NKAIN4: variants seen among roughly 807,000 people sequenced by gnomAD.
NKAIN4 encodes sodium/potassium transporting ATPase interacting 4.
A neutral mutation model predicts 28.8 loss-of-function variants in NKAIN4; 28 were observed. The ratio of observed to expected loss-of-function variants is 0.97; its 90% CI spans 0.72 to 1.33. The LOEUF (loss-of-function observed/expected upper bound fraction) is 1.33. Ranked by LOEUF, NKAIN4 falls within the 40% of genes most tolerant of loss-of-function variation. The pLI is 0.00. For synonymous variants in NKAIN4, 122 were observed against 115.6 expected, an observed-to-expected ratio of 1.06 and a Z score of -0.36; for missense variants, 289 against 277.2, an observed-to-expected ratio of 1.04 and a Z score of -0.30.
chr20:63,241,508 T>G lies in NKAIN4; in HGVS notation c.618-2A>C. ...AGCTGTTTCCTCACTTACGCAGGCC[T>G]GTGGGGACAAGGTCAGAGAGCACCT... is the stretch of plus-strand genomic sequence containing the variant. On this transcript the variant is annotated splice_acceptor_variant, in intron 6 of 6. Coordinates refer to ENST00000370316, the MANE Select transcript of NKAIN4 (RefSeq NM_152864.4). LOFTEE classifies it high-confidence loss of function. The G allele has an allele frequency of 6.5e-7, 1 of 1,550,142 alleles. No homozygotes were observed.
chr20:63,251,081 C>G (rs889339392), intron 1 of NKAIN4, among the ~76,000 whole-genome samples: 1 of 152,114 alleles, frequency 6.6e-6, no homozygotes, highest in Non-Finnish European at 1.5e-5. Flanking sequence ...TGTGAGTCAT[C>G]TCCAATGACA....
Position 63,250,138 on chromosome 20 carries a change from C to T in NKAIN4, c.55-66G>A, listed in dbSNP as rs552773580. ...AGGCCCCAGGCCCGCCAGCCAGGTA[C>T]TGGGCCAAGGTGACAGGATCTCAGC... is the stretch of plus-strand genomic sequence containing the variant. On this transcript the variant is annotated intron_variant, in intron 1 of 6. Coordinates refer to ENST00000370316, the MANE Select transcript of NKAIN4 (RefSeq NM_152864.4). 50 of 1,499,362 alleles carry T rather than the reference C, an allele frequency of 3.3e-5. No homozygotes were observed. The African/African-American group carries it at 6.4e-4, about 19-fold the overall frequency. 92.9% of individuals were successfully genotyped at this position (1,499,362 alleles called of 1,614,324 possible). A position where few individuals can be genotyped will look rare whatever the true frequency, so the allele number is the denominator to read the frequency against.
intron 4 of NKAIN4, chr20:63,246,660 C>A (rs1325891582): frequency 1.0e-6 from 1 of 985,308 alleles, no homozygotes; most frequent in Non-Finnish European, 1.2e-6. Context: ...CCGTGCGCAC[C>A]AGGAAAAGCC....
chr20:63,247,711 C>A lies in NKAIN4; in HGVS notation c.338G>T (p.Gly113Val). Residue 113 changes from glycine to valine, a missense_variant, in exon 4 of 7, where the codon GGC becomes GTC. By Grantham distance (109) the Gly-to-Val change is moderately radical. Coordinates refer to ENST00000370316, the MANE Select transcript of NKAIN4 (RefSeq NM_152864.4). ...HRSWWRERWP[G>V]CLHEEVPAVG... ...TGCTGGCACCTCCTCATGCAGACAG[C>A]CTGGCCAGCGCTCACGCCACCAGGA... 1 of 1,522,812 alleles carries A rather than the reference C, an allele frequency of 6.6e-7. No individual in the cohort carries two copies. The highest frequency in any genetic ancestry group is 8.8e-7 in the Non-Finnish European group (1 of 1,133,062). The allele number at this position is 1,522,812 out of a possible 1,614,324, so 94.3% of individuals were successfully genotyped here.
chr20:63,254,050 G>C, intron 1 of NKAIN4: 1 of 285,422 alleles, frequency 3.5e-6, no homozygotes, highest in South Asian at 3.5e-5. Flanking sequence ...GGCGCACCCG[G>C]GGCCACACAC....
At position 63,241,408 on chromosome 20, in the gene NKAIN4, C is replaced by G; in HGVS notation, c.*89G>C. 7.1e-7 allele frequency: 1 copy of G among 1,414,588 alleles called. No homozygotes were observed. The highest frequency in any genetic ancestry group is 9.8e-7 in the Non-Finnish European group (1 of 1,024,046). The allele number at this position is 1,414,588 out of a possible 1,614,324, so 87.6% of individuals were successfully genotyped here. Reference sequence around the variant, plus strand: ...CCGCCTGGGGGGTGCTGGGTGGGGGCGCGTCCCAAGGCCTGGGAGCTCCTG... The same window carrying G: ...CCGCCTGGGGGGTGCTGGGTGGGGGGGCGTCCCAAGGCCTGGGAGCTCCTG... On this transcript the variant is annotated 3_prime_UTR_variant, in exon 7 of 7. Coordinates refer to ENST00000370316, the MANE Select transcript of NKAIN4 (RefSeq NM_152864.4).
Position 63,252,943 on chromosome 20 carries a change from A to G in NKAIN4, c.54+1454T>C, listed in dbSNP as rs1244570977. 6.6e-6 allele frequency among the ~76,000 whole-genome samples: 1 copy of G among 152,054 alleles called. No homozygotes were observed. On this transcript the variant is annotated intron_variant, in intron 1 of 6. Coordinates refer to ENST00000370316, the MANE Select transcript of NKAIN4 (RefSeq NM_152864.4). The surrounding 1 kb of genome is among the most constrained non-coding windows in gnomAD (Gnocchi z 4.6). ...TTTCTCCTGCCCAAACCCCAGCACC[A>G]TCAACCCCAGCACATCCTCACACCA...
chr20:63,242,768 G>A, intron 5 of NKAIN4, 145 bp from the exon 6 acceptor site: 1 of 259,376 alleles, frequency 3.9e-6, no homozygotes, highest in Non-Finnish European at 7.2e-6. Context: ...ACAGCAGAGG[G>A]AACATGGCCT....
rs2066846231 is a variant in NKAIN4, at chr20:63,245,912, A to G, written c.471+1666T>C. ...GCCAGCCCCCTCCGAGAGACTCTTC[A>G]TTCATTCCCCTCAAGCTTCCTTTTT... On this transcript the variant is annotated intron_variant, in intron 4 of 6. Transcript: ENST00000370316. The surrounding 1 kb of genome is among the most constrained non-coding windows in gnomAD (Gnocchi z 4.7). Among the ~76,000 whole-genome samples, 1 of 147,412 alleles carries G rather than the reference A, an allele frequency of 6.8e-6. No individual in the cohort carries two copies. The highest frequency in any genetic ancestry group is 2.5e-5 in the African/African-American group (1 of 39,788).
intron 1 of NKAIN4, chr20:63,253,591 G>C: frequency 2.3e-6 from 2 of 859,602 alleles, no homozygotes; most frequent in Non-Finnish European, 2.8e-6. Context: ...AATTAGCATC[G>C]AAGCAAAGCA....
In NKAIN4 at chr20:63,247,703, G is replaced by A; in HGVS notation, c.346C>T (p.His116Tyr). 6.5e-7 allele frequency: 1 copy of A among 1,529,248 alleles called. No individual in the cohort carries two copies. The highest frequency in any genetic ancestry group is 1.2e-5 in the South Asian group (1 of 80,476). The allele number at this position is 1,529,248 out of a possible 1,614,324, so 94.7% of individuals were successfully genotyped here. The stretch of plus-strand genomic sequence containing the variant: ...AGGCCCACTGCTGGCACCTCCTCAT[G>A]CAGACAGCCTGGCCAGCGCTCACGC... ...WWRERWPGCL[H>Y]EEVPAVGLGA... is the part of the protein sequence containing the mutation. Residue 116 changes from histidine (H) to tyrosine (Y), a missense_variant, in exon 4 of 7, where the codon CAT becomes TAT. Coordinates refer to ENST00000370316, the MANE Select transcript of NKAIN4 (RefSeq NM_152864.4).
chr20:63,242,236 A>AG (rs1480584207), intron 6 of NKAIN4, among the ~76,000 whole-genome samples: 2 of 151,986 alleles, frequency 1.3e-5, no homozygotes, highest in Non-Finnish European at 2.9e-5. Context: ...GTGGCTCTTC[A>AG]GGACACCCTT....
rs374343931 is a variant in NKAIN4, at chr20:63,247,799, G to A, written c.274-24C>T. 9.9e-4 allele frequency: 1,414 copies of A among 1,430,220 alleles called. 1 individual carries two copies. The highest frequency in any genetic ancestry group is 1.2e-3 in the Non-Finnish European group (1,336 of 1,088,306). The allele number at this position is 1,430,220 out of a possible 1,614,324, so 88.6% of individuals were successfully genotyped here. A position where few individuals can be genotyped will look rare whatever the true frequency, so the allele number is the denominator to read the frequency against. The stretch of plus-strand genomic sequence containing the variant: ...TCCTAGGGGAGAGGTGCAGGAGCAG[G>A]GCCGGTTAGCACCAGGAGGTGGGCG... On this transcript the variant is annotated intron_variant, in intron 3 of 6. Coordinates refer to ENST00000370316, the MANE Select transcript of NKAIN4 (RefSeq NM_152864.4).
At position 63,248,804 on chromosome 20, in the gene NKAIN4, T is replaced by C. The variant is rs2066905237; in HGVS notation, c.273+11A>G. The C allele has an allele frequency of 1.9e-6, 3 of 1,596,756 alleles. No homozygotes were observed. The highest frequency in any genetic ancestry group is 1.3e-5 in the African/African-American group (1 of 74,458). On this transcript the variant is annotated intron_variant, in intron 3 of 6. Transcript: ENST00000370316. ...GGAAGGACCTCGCGCTGCCTCCCAG[T>C]CTGCACTCACCTTTAAGAGGCCACC...
At chr20:63,254,349 G>A in intron 1 of NKAIN4, 48 bp downstream of exon 1, 1 of 1,389,294 alleles carries the variant, frequency 7.2e-7, no homozygotes, top group Admixed American at 2.9e-5. Flanking sequence ...GCCGCCGTGG[G>A]TCGGGCACCG....
rs1368196676 is a variant in NKAIN4 at position 63,247,278 on chromosome 20, G to T, written c.471+300C>A. 5 of 1,318,744 alleles carry T rather than the reference G, an allele frequency of 3.8e-6. No individual in the cohort carries two copies. In the African/African-American group the frequency reaches 7.4e-5, roughly 20 times the overall value. 81.7% of individuals were successfully genotyped at this position (1,318,744 alleles called of 1,614,324 possible). On this transcript the variant is annotated intron_variant, in intron 4 of 6. Transcript: ENST00000370316. ...TGGGGCCGTCAAAGCCAGAGGCGGG[G>T]TGTCTCGGCCTGATCCGATTCCTTC...
chr20:63,242,804 C>T (rs1204979263), intron 5 of NKAIN4, among the ~76,000 whole-genome samples, 181 bp from the exon 6 acceptor site: 1 of 115,994 alleles, frequency 8.6e-6, no homozygotes, highest in African/African-American at 3.3e-5. Context: ...GTGGGACACC[C>T]GGGTCCTCGG....
chr20:63,253,873 GGTGGGCA>G (rs1240055856), intron 1 of NKAIN4: 1 of 152,900 alleles, frequency 6.5e-6, no homozygotes, highest in Admixed American at 6.5e-5. Flanking sequence ...TTTGCTCGCG[GGTGGGCA>G]GGACGTTCTC....
intron 5 of NKAIN4, 125 bp from the exon 6 acceptor site, chr20:63,242,748 C>A: frequency 1.4e-6 from 1 of 698,094 alleles, no homozygotes; most frequent in South Asian, 1.6e-5. Flanking sequence ...GTGCCCAAAG[C>A]CCTGACATGA....
Sources: allele counts gnomAD v4.1 joint callset (sites outside exome capture counted in the v4.1 genomes callset), GRCh38; gene constraint gnomAD v4.1.1; non-coding constraint Gnocchi (gnomAD v3.1); transcripts MANE v1.5; gene names NCBI Gene and HGNC (gene_info 2026-07-23, HGNC 2026-07-21).